ZFHX4: variants seen among roughly 807,000 people sequenced by gnomAD.
ZFHX4 encodes zinc finger homeobox protein 4.
A neutral mutation model predicts 267.6 loss-of-function variants in ZFHX4; 56 were observed. The ratio of observed to expected loss-of-function variants is 0.21; its 90% CI spans 0.17 to 0.26. The LOEUF (loss-of-function observed/expected upper bound fraction) is 0.26, where lower values mean the gene tolerates loss of function less well. Among genes scored for constraint, ZFHX4 ranks in the 10% least tolerant of loss-of-function variants. The pLI is 1.00. For missense variants in ZFHX4, 4,332 were observed against 4,420.0 expected, an observed-to-expected ratio of 0.98 and a Z score of 0.56; for synonymous variants, 1,778 against 1,665.6, an observed-to-expected ratio of 1.07 and a Z score of -1.64.
At chr8:76,723,726 T>C (rs1342870051) in intron 3 of ZFHX4, among the ~76,000 whole-genome samples, 1 of 152,036 alleles carries the variant, frequency 6.6e-6, no homozygotes, top group Non-Finnish European at 1.5e-5. Context: ...GCATTAAACA[T>C]ATACTCACCT....
chr8:76,705,280 A>C lies in ZFHX4; in HGVS notation c.1192A>C (p.Ile398Leu). ...TSSSAEQPLG[I>L]TQMPKAEVNL... Reference sequence around the variant, plus strand: ...GAGCTCAGCAGAGCAGCCGCTGGGGATTACCCAAATGCCAAAGGCTGAAGT... The same window carrying C: ...GAGCTCAGCAGAGCAGCCGCTGGGGCTTACCCAAATGCCAAAGGCTGAAGT... Residue 398 changes from isoleucine to leucine, a missense_variant, in exon 2 of 11, where the codon ATT becomes CTT. Coordinates refer to ENST00000651372, the MANE Select transcript of ZFHX4 (RefSeq NM_024721.5). 6.2e-7 allele frequency: 1 copy of C among 1,614,010 alleles called. No individual in the cohort carries two copies. The highest frequency in any genetic ancestry group is 8.5e-7 in the Non-Finnish European group (1 of 1,179,888).
At chr8:76,838,208 A>T (rs922215201) in intron 5 of ZFHX4, among the ~76,000 whole-genome samples, 2 of 152,226 alleles carry the variant, frequency 1.3e-5, no homozygotes, top group African/African-American at 2.4e-5. Flanking sequence ...GACCAGGAAC[A>T]TCGGGCATTA....
chr8:76,835,051 C>A (rs945917829), intron 5 of ZFHX4, among the ~76,000 whole-genome samples: 4 of 150,210 alleles, frequency 2.7e-5, no homozygotes, highest in African/African-American at 4.9e-5. Flanking sequence ...TGAAACTTCA[C>A]CTAAATTATA....
intron 3 of ZFHX4, among the ~76,000 whole-genome samples, chr8:76,763,568 AGCCGTGATG>A (rs1392190774): frequency 1.3e-5 from 2 of 152,132 alleles, no homozygotes; most frequent in Non-Finnish European, 2.9e-5. Flanking sequence ...GGCTGCAGTG[AGCCGTGATG>A]GCCCCACTGC....
At chr8:76,782,668 T>C (rs1359571132) in intron 4 of ZFHX4, among the ~76,000 whole-genome samples, 2 of 151,996 alleles carry the variant, frequency 1.3e-5, no homozygotes, top group Non-Finnish European at 2.9e-5. Flanking sequence ...TCGACATTCC[T>C]GACATTTGGC....
chr8:76,816,136 A>G (rs543594221), intron 4 of ZFHX4, among the ~76,000 whole-genome samples: 1 of 152,342 alleles, frequency 6.6e-6, no homozygotes, highest in South Asian at 2.1e-4. Context: ...ACTCAAAGTC[A>G]CAAAGCTAAT....
chr8:76,760,113 A>G (rs778446747), intron 3 of ZFHX4, among the ~76,000 whole-genome samples: 29 of 152,208 alleles, frequency 1.9e-4, no homozygotes, highest in Non-Finnish European at 3.4e-4. Flanking sequence ...CATGAAGTTC[A>G]TTAGATAAGA....
In ZFHX4 at chr8:76,854,752, A is replaced by G; in HGVS notation, c.7831A>G (p.Thr2611Ala). 1 of 1,612,136 alleles carries G rather than the reference A, an allele frequency of 6.2e-7. No individual in the cohort carries two copies. Among genetic ancestry groups the G allele is most frequent in the Non-Finnish European group, 8.5e-7 (1 of 1,179,038 alleles). The stretch of plus-strand genomic sequence containing the variant: ...ACACCGAGATAAACGCTTGAGAACC[A>G]CGATCACCCCGGAACAGCTGGAAAT... The part of the protein sequence containing the change: ...DQHRDKRLRT[T>A]ITPEQLEILY... The change falls in exon 10 of 11, where the codon ACG becomes GCG. Residue 2611 changes from threonine (T) to alanine (A), a missense_variant. Around this residue, in one of 7 missense-constraint regions of ZFHX4, gnomAD observed 1,648 missense variants for 1,625.0 expected, o/e 1.01. Transcript: ENST00000651372.
chr8:76,707,850 T>C lies in ZFHX4; in HGVS notation c.2895T>C (p.Asp965=). The C allele has an allele frequency of 6.2e-7, 1 of 1,614,104 alleles. No homozygotes were observed. Among genetic ancestry groups the C allele is most frequent in the South Asian group, 1.1e-5 (1 of 91,086 alleles). ...KANFQLHCKT[D]KHMQKYQLVA... is the part of the protein sequence containing the mutation. ...ACTTCCAGCTACACTGCAAGACTGA[T>C]AAACATATGCAGAAATATCAACTGG... is the stretch of plus-strand genomic sequence containing the variant. The change falls in exon 3 of 11, where the codon GAT becomes GAC. Residue 965 remains aspartate, a synonymous_variant. Coordinates refer to ENST00000651372, the MANE Select transcript of ZFHX4 (RefSeq NM_024721.5).
chr8:76,721,712 T>G (rs1349875195), intron 3 of ZFHX4, among the ~76,000 whole-genome samples: 2 of 152,150 alleles, frequency 1.3e-5, no homozygotes, highest in African/African-American at 2.4e-5. Context: ...GATTTCTGAT[T>G]TGCAGAACTT....
intron 3 of ZFHX4, among the ~76,000 whole-genome samples, chr8:76,764,855 C>G (rs1326181128): frequency 6.6e-6 from 1 of 152,130 alleles, no homozygotes; most frequent in Non-Finnish European, 1.5e-5. Context: ...GCAGTGCCTC[C>G]CTATTGTTCC....
chr8:76,853,295 G>T lies in ZFHX4; in HGVS notation c.6374G>T (p.Arg2125Ile). Residue 2125 changes from arginine (R) to isoleucine (I), a missense_variant, in exon 10 of 11, where the codon AGA becomes ATA. Transcript: ENST00000651372. Reference protein sequence around the residue: ...QQLGLDPNFLRHSQFKRPRTR... With the variant: ...QQLGLDPNFLIHSQFKRPRTR... ...CTCGGATTAGATCCCAACTTCTTAA[G>T]ACATTCTCAGTTCAAACGCCCACGG... 1 of 1,610,362 alleles carries T rather than the reference G, an allele frequency of 6.2e-7. No homozygotes were observed. Among genetic ancestry groups the T allele is most frequent in the Non-Finnish European group, 8.5e-7 (1 of 1,178,048 alleles).
At chr8:76,697,798 A>AT (rs906111838) in intron 1 of ZFHX4, among the ~76,000 whole-genome samples, 1 of 151,956 alleles carries the variant, frequency 6.6e-6, no homozygotes, top group East Asian at 1.9e-4. Context: ...ATGGATTAAT[A>AT]TTTTTTTAAG....
In ZFHX4 at chr8:76,705,234, A is replaced by G. The variant is rs781475351; in HGVS notation, c.1146A>G (p.Leu382=). Residue 382 remains leucine (L), a synonymous_variant, in exon 2 of 11, where the codon TTA becomes TTG. Transcript: ENST00000651372. ...CTTTGCCGGCTGGCTTTGCCTTCTT[A>G]AAAGGAAGCGCGAGCACCTCGAGCT... ...GDSLPAGFAF[L]KGSASTSSSA... is the part of the protein sequence containing the mutation. 2.5e-6 allele frequency: 4 copies of G among 1,613,866 alleles called. No individual in the cohort carries two copies. Among genetic ancestry groups the G allele is most frequent in the Non-Finnish European group, 2.5e-6 (3 of 1,179,906 alleles).
At position 76,823,892 on chromosome 8, in the gene ZFHX4, C is replaced by T. The variant is rs187565556; in HGVS notation, c.3326-9446C>T. Among the ~76,000 whole-genome samples, 462 of 152,180 alleles carry T rather than the reference C, an allele frequency of 3.0e-3. 1 individual carries two copies. The highest frequency in any genetic ancestry group is 7.6e-3 in the African/African-American group (315 of 41,512). ...AAGGGTAGTTTATTATAAGTAGTAG[C>T]GATGCATTCCATGGCAGGATATATA... On this transcript the variant is annotated intron_variant, in intron 4 of 10. Transcript: ENST00000651372.
chr8:76,779,945 A>T (rs965595083), intron 4 of ZFHX4, among the ~76,000 whole-genome samples: 1 of 152,152 alleles, frequency 6.6e-6, no homozygotes, highest in African/African-American at 2.4e-5. Flanking sequence ...CTGTGCTTGG[A>T]TAAGAATATT....
At chr8:76,710,394 T>G (rs1228035604) in intron 3 of ZFHX4, among the ~76,000 whole-genome samples, 1 of 152,174 alleles carries the variant, frequency 6.6e-6, no homozygotes, top group Non-Finnish European at 1.5e-5. Flanking sequence ...GTAATGAGGA[T>G]ATTAGCAAGC....
intron 4 of ZFHX4, among the ~76,000 whole-genome samples, chr8:76,818,587 G>A: frequency 6.6e-6 from 1 of 152,008 alleles, no homozygotes; most frequent in East Asian, 1.9e-4. Context: ...CTGGCACTGA[G>A]GTAGGGCCCA....
At chr8:76,789,379 T>C (rs1376992403) in intron 4 of ZFHX4, among the ~76,000 whole-genome samples, 1 of 152,186 alleles carries the variant, frequency 6.6e-6, no homozygotes, top group Non-Finnish European at 1.5e-5. Flanking sequence ...CCTTAGACTA[T>C]ATCTGTGTTG....
Sources: allele counts gnomAD v4.1 joint callset (sites outside exome capture counted in the v4.1 genomes callset), GRCh38; gene constraint gnomAD v4.1.1; regional missense constraint gnomAD v4.1.1; transcripts MANE v1.5; gene names NCBI Gene and HGNC (gene_info 2026-07-23, HGNC 2026-07-21).